Variants in TANC1 observed in about 807,000 individuals in gnomAD.
TANC1 encodes tetratricopeptide repeat, ankyrin repeat and coiled-coil containing 1, also known as protein TANC1.
In TANC1, 77 loss-of-function variants were observed where a neutral mutation model predicts 149.7. The ratio of observed to expected loss-of-function variants is 0.51; its 90% confidence interval spans 0.43 to 0.62. The LOEUF is 0.62. Among genes scored for constraint, TANC1 ranks in the 20% least tolerant of loss-of-function variants. TANC1 has a pLI of 0.00. For synonymous variants in TANC1, 854 were observed against 925.0 expected, an observed-to-expected ratio of 0.92 and a Z score of 1.39; for missense variants, 1,985 against 2,321.8, an observed-to-expected ratio of 0.85 and a Z score of 2.98.
chr2:159,229,538 G>A (rs753414398), intron 26 of TANC1, 40 bp from the exon 27 acceptor site: 10 of 1,468,642 alleles, frequency 6.8e-6, no homozygotes, highest in African/African-American at 5.6e-5. Context: ...GAGCATGTTC[G>A]TGTGTGGTTT....
At chr2:159,059,164 G>A (rs1322561690) in intron 2 of TANC1, among the ~76,000 whole-genome samples, 4 of 152,178 alleles carry the variant, frequency 2.6e-5, no homozygotes, top group Non-Finnish European at 4.4e-5. Flanking sequence ...ATGTGTCTTA[G>A]AGAATAAATT....
At chr2:159,151,126 AC>A (rs1350183601) in intron 7 of TANC1, among the ~76,000 whole-genome samples, 3 of 152,182 alleles carry the variant, frequency 2.0e-5, no homozygotes, top group Admixed American at 1.3e-4. Flanking sequence ...CCGGACTCTT[AC>A]GCCGATTTGC....
At chr2:159,222,482 T>C (rs1438051194) in intron 22 of TANC1, among the ~76,000 whole-genome samples, 1 of 152,224 alleles carries the variant, frequency 6.6e-6, no homozygotes, top group Non-Finnish European at 1.5e-5. Context: ...AATCATATAG[T>C]ATTTGTCTCA....
At chr2:159,119,949 G>A (rs1054606481) in intron 4 of TANC1, among the ~76,000 whole-genome samples, 1 of 152,192 alleles carries the variant, frequency 6.6e-6, no homozygotes, top group Non-Finnish European at 1.5e-5. Context: ...TGAGGTCAGA[G>A]GAGGACAGTG....
At chr2:158,997,849 C>T (rs2036270893) in intron 1 of TANC1, among the ~76,000 whole-genome samples, 1 of 152,112 alleles carries the variant, frequency 6.6e-6, no homozygotes, top group South Asian at 2.1e-4. Flanking sequence ...GGCCTTAGCC[C>T]TCCCTACACC....
At chr2:159,095,565 G>T (rs989424990) in intron 3 of TANC1, among the ~76,000 whole-genome samples, 15 of 151,914 alleles carry the variant, frequency 9.9e-5, no homozygotes, top group African/African-American at 3.6e-4. Context: ...GTGAAACCCT[G>T]TCTCTACTAA....
chr2:159,064,389 C>T (rs264658), intron 2 of TANC1, among the ~76,000 whole-genome samples: 55,535 of 152,060 alleles, frequency 0.37, 10,383 homozygotes, highest in Middle Eastern at 0.42. Context: ...GATTTTACTC[C>T]GATAACCTTC....
intron 8 of TANC1, among the ~76,000 whole-genome samples, chr2:159,165,270 G>C (rs2054473804): frequency 6.6e-6 from 1 of 152,166 alleles, no homozygotes; most frequent in Admixed American, 6.5e-5. Context: ...CGTGATTATA[G>C]AGCAGAGCTT....
At chr2:159,029,408 T>C (rs1453647272) in intron 2 of TANC1, among the ~76,000 whole-genome samples, 2 of 152,178 alleles carry the variant, frequency 1.3e-5, no homozygotes, top group Non-Finnish European at 1.5e-5. Flanking sequence ...AGTAAAGGTT[T>C]GTAATATGGA....
chr2:159,149,291 A>G lies in TANC1; in HGVS notation c.495+19A>G. 5 of 1,614,118 alleles carry G rather than the reference A, an allele frequency of 3.1e-6. No homozygotes were observed. Among genetic ancestry groups the G allele is most frequent in the Non-Finnish European group, 3.4e-6 (4 of 1,179,966 alleles). On this transcript the variant is annotated intron_variant, in intron 6 of 26. Transcript: ENST00000263635. ...AACCATGGTAATGCCCGAGGAAGAC[A>G]CTACATTGCATACCTCTTCAGAGGA...
intron 4 of TANC1, among the ~76,000 whole-genome samples, chr2:159,104,981 CTTTTTTTTTTTTTTTTTTT>C (rs146778655): frequency 4.6e-5 from 2 of 43,342 alleles, no homozygotes; most frequent in Admixed American, 2.7e-4. Context: ...TGGATATTTG[CTTTTTTTTTTTTTTTTTTT>C]TTTTTTTTTT....
chr2:159,229,727 C>T lies in TANC1; in HGVS notation c.4301C>T (p.Ala1434Val). 6.2e-7 allele frequency: 1 copy of T among 1,614,082 alleles called. No individual in the cohort carries two copies. Among genetic ancestry groups the T allele is most frequent in the Non-Finnish European group, 8.5e-7 (1 of 1,180,012 alleles). The change falls in exon 27 of 27, where the codon GCT (alanine) becomes GTT (valine). Residue 1434 changes from alanine to valine, a missense_variant. By Grantham distance (64) the Ala-to-Val change is moderately conservative. Around this residue, in one of 3 missense-constraint regions of TANC1, gnomAD observed 920 missense variants for 994.7 expected, o/e 0.92. Transcript: ENST00000263635. ...QQQKQQGPLP[A>V]PLNDSENEED... The stretch of plus-strand genomic sequence containing the variant: ...CAAAAACAGCAGGGCCCGCTACCAG[C>T]TCCACTCAACGACTCCGAGAACGAA...
chr2:159,095,733 CAAAAAA>C (rs61191170), intron 3 of TANC1, among the ~76,000 whole-genome samples: 3 of 100,424 alleles, frequency 3.0e-5, no homozygotes, highest in African/African-American at 3.8e-5. Flanking sequence ...AAGACTGTCT[CAAAAAA>C]AAAAAAAAAA....
At position 159,178,748 on chromosome 2, in the gene TANC1, C is replaced by G; in HGVS notation, c.2095C>G (p.Arg699Gly). 1 of 1,614,128 alleles carries G rather than the reference C, an allele frequency of 6.2e-7. No homozygotes were observed. Among genetic ancestry groups the G allele is most frequent in the Non-Finnish European group, 8.5e-7 (1 of 1,180,002 alleles). ...IGKVSSHLVL[R>G]SLGSYLYLKL... ...AAAAGTGAGCAGCCACCTGGTGCTG[C>G]GGAGCCTCGGCTCCTACCTGTACCT... Residue 699 changes from arginine (R) to glycine (G), a missense_variant, in exon 14 of 27, where the codon CGG (arginine) becomes GGG (glycine). Coordinates refer to ENST00000263635, the MANE Select transcript of TANC1 (RefSeq NM_033394.3).
intron 2 of TANC1, among the ~76,000 whole-genome samples, chr2:159,032,708 T>C (rs2039882643): frequency 1.3e-5 from 2 of 152,096 alleles, no homozygotes; most frequent in African/African-American, 4.8e-5. Context: ...TCTCTCCTGT[T>C]AGAATTGAAT....
In TANC1 at chr2:159,059,888, TTGTGTGTGTG is replaced by T. The variant is rs140659801; in HGVS notation, c.-15-5975_-15-5966del. 1.2e-3 allele frequency among the ~76,000 whole-genome samples: 135 copies of T among 114,816 alleles called. 2 individuals carry two copies. Among genetic ancestry groups the T allele is most frequent in the East Asian group, 6.2e-3 (25 of 4,004 alleles). The allele number at this position is 114,816 out of a possible 152,430, so 75.3% of individuals were successfully genotyped here. ...CCAGTGTACCATCTAGCAGACCTCT[TTGTGTGTGTG>T]TGTGTGTGTGTGTGTGTGTGTGTGT... On this transcript the variant is annotated intron_variant, in intron 2 of 26. Transcript: ENST00000263635.
At chr2:159,032,819 C>T (rs904164176) in intron 2 of TANC1, among the ~76,000 whole-genome samples, 1 of 152,012 alleles carries the variant, frequency 6.6e-6, no homozygotes, top group East Asian at 1.9e-4. Flanking sequence ...ATGAACTGAG[C>T]CCCAGATTTT....
chr2:159,151,139 C>T (rs1022352825), intron 7 of TANC1, among the ~76,000 whole-genome samples: 7 of 152,272 alleles, frequency 4.6e-5, no homozygotes, highest in East Asian at 1.9e-4. Flanking sequence ...CCGATTTGCC[C>T]GGTGACTTGA....
At chr2:159,212,036 A>G (rs574230786) in intron 19 of TANC1, among the ~76,000 whole-genome samples, 1 of 152,338 alleles carries the variant, frequency 6.6e-6, no homozygotes, top group African/African-American at 2.4e-5. Flanking sequence ...TTAGTGCTGG[A>G]CTGTCATTTC....
Sources: allele counts gnomAD v4.1 joint callset (sites outside exome capture counted in the v4.1 genomes callset), GRCh38; gene constraint gnomAD v4.1.1; regional missense constraint gnomAD v4.1.1; transcripts MANE v1.5; gene names NCBI Gene and HGNC (gene_info 2026-07-23, HGNC 2026-07-21).